Variants in CCDC30 observed in about 807,000 individuals in gnomAD.
The protein encoded by CCDC30 is coiled-coil domain-containing protein 30.
CCDC30 carries 70 observed loss-of-function variants against 100.2 expected under a neutral mutation model. That is an observed-to-expected ratio of 0.70 (90% CI 0.58 to 0.85). CCDC30 has a LOEUF of 0.85. Ranked by LOEUF, CCDC30 falls within the 40% of genes least tolerant of loss-of-function variation. The pLI, the probability that CCDC30 is intolerant of heterozygous loss-of-function variation, is 0.00. For missense variants in CCDC30, 652 were observed against 771.2 expected, an observed-to-expected ratio of 0.85 and a Z score of 1.83; for synonymous variants, 233 against 269.5, an observed-to-expected ratio of 0.86 and a Z score of 1.33.
chr1:42,513,091 A>T (rs1168034285), intron 6 of CCDC30, among the ~76,000 whole-genome samples: 1 of 152,200 alleles, frequency 6.6e-6, no homozygotes, highest in East Asian at 1.9e-4. Context: ...CAAGCCACCA[A>T]GGGAAGTAGC....
intron 5 of CCDC30, among the ~76,000 whole-genome samples, chr1:42,497,465 G>A (rs76140023): frequency 0.036 from 5,438 of 151,966 alleles, 337 homozygotes; most frequent in African/African-American, 0.12. Context: ...TTTTAAATAA[G>A]GAATTAGATA....
chr1:42,535,578 G>A (rs1468772060), intron 6 of CCDC30, among the ~76,000 whole-genome samples: 1 of 136,574 alleles, frequency 7.3e-6, no homozygotes, highest in Non-Finnish European at 1.6e-5. Flanking sequence ...GAGAGGGGTC[G>A]GCCGGGCACG....
intron 15 of CCDC30, among the ~76,000 whole-genome samples, chr1:42,648,631 C>T (rs868392089): frequency 2.0e-5 from 3 of 152,132 alleles, no homozygotes; most frequent in African/African-American, 7.2e-5. Context: ...GATCACGCCA[C>T]TGCTCTCCAG....
intron 11 of CCDC30, among the ~76,000 whole-genome samples, chr1:42,634,300 A>G (rs2148673736): frequency 6.6e-6 from 1 of 152,122 alleles, no homozygotes; most frequent in South Asian, 2.1e-4. Flanking sequence ...TTCCAGGGCA[A>G]AGGGACATTT....
At chr1:42,476,352 G>A (rs539842634) in intron 1 of CCDC30, among the ~76,000 whole-genome samples, 176 of 152,230 alleles carry the variant, frequency 1.2e-3, no homozygotes, top group African/African-American at 4.0e-3. Flanking sequence ...AAAATATTAA[G>A]TACTTCAAAG....
rs3044834 is a variant in CCDC30, at chr1:42,608,716, CAAAAA to C, written c.1165-2242_1165-2238del. Reference sequence around the variant, plus strand: ...AGAGCGCGACTCCGTCTCTCTGTCTCAAAAAAAAAAAAAAAAAAAAAAAAGATATG... The same window carrying C: ...AGAGCGCGACTCCGTCTCTCTGTCTCAAAAAAAAAAAAAAAAAAAGATATG... On this transcript the variant is annotated intron_variant, in intron 10 of 16. Coordinates refer to ENST00000668663, the Ensembl canonical transcript of CCDC30. Among the ~76,000 whole-genome samples, 12 of 55,426 alleles carry C rather than the reference CAAAAA, an allele frequency of 2.2e-4. 1 individual carries two copies. Among genetic ancestry groups the C allele is most frequent in the South Asian group, 8.9e-4 (1 of 1,118 alleles). The allele number at this position is 55,426 out of a possible 152,430, so 36.4% of individuals were successfully genotyped here.
At chr1:42,585,292 T>G (rs2762691) in intron 9 of CCDC30, among the ~76,000 whole-genome samples, 149,124 of 152,248 alleles carry the variant, frequency 0.98, 73,100 homozygotes, top group East Asian at 1. Context: ...TAGAGATGAG[T>G]CTTTGCTGTG....
intron 1 of CCDC30, among the ~76,000 whole-genome samples, chr1:42,471,855 A>T (rs1438727238): frequency 1.3e-5 from 2 of 150,964 alleles, no homozygotes; most frequent in Non-Finnish European, 2.9e-5. Context: ...AAAACTTAGC[A>T]ATCAAGGAGA....
chr1:42,542,297 G>T (rs967545384), intron 6 of CCDC30, among the ~76,000 whole-genome samples: 2 of 152,130 alleles, frequency 1.3e-5, no homozygotes, highest in African/African-American at 4.8e-5. Flanking sequence ...CTTTGTGTTA[G>T]TGTCACCATC....
chr1:42,581,581 T>C (rs1645968270), intron 9 of CCDC30, 67 bp downstream of exon 13: 1 of 1,439,028 alleles, frequency 6.9e-7, no homozygotes, highest in African/African-American at 1.4e-5. Flanking sequence ...GCAATATCAA[T>C]TTTTTCTAAC....
At chr1:42,602,396 G>C (rs1156610842) in intron 10 of CCDC30, among the ~76,000 whole-genome samples, 1 of 151,580 alleles carries the variant, frequency 6.6e-6, no homozygotes, top group Non-Finnish European at 1.5e-5. Context: ...CTCTAGCCAG[G>C]CTAACAAAAA....
At chr1:42,641,930 A>G (rs181870269) in intron 12 of CCDC30, among the ~76,000 whole-genome samples, 1 of 152,294 alleles carries the variant, frequency 6.6e-6, no homozygotes, top group Non-Finnish European at 1.5e-5. Context: ...GAAGAAAAAA[A>G]AATACATGAC....
Position 42,536,457 on chromosome 1 carries a change from T to A in CCDC30, c.457-29839T>A. On this transcript the variant is annotated intron_variant, in intron 6 of 16. Coordinates refer to ENST00000668663, the Ensembl canonical transcript of CCDC30. ...CTGCTATTATATATAAAATTAATTA[T>A]GTAAAATGCTTTTTACAGATCCTGA... The A allele has an allele frequency of 6.7e-7, 1 of 1,491,490 alleles. No individual in the cohort carries two copies. Among genetic ancestry groups the A allele is most frequent in the East Asian group, 2.3e-5 (1 of 42,690 alleles). 92.4% of individuals were successfully genotyped at this position (1,491,490 alleles called of 1,614,324 possible).
At chr1:42,587,657 C>A (rs1368147451) in intron 9 of CCDC30, among the ~76,000 whole-genome samples, 1 of 152,174 alleles carries the variant, frequency 6.6e-6, no homozygotes. Context: ...CTGTTGATTT[C>A]TCAGAATACT....
chr1:42,577,880 TCCACCCGCCTCGG>T (rs752310692), intron 8 of CCDC30, among the ~76,000 whole-genome samples: 3 of 152,158 alleles, frequency 2.0e-5, no homozygotes, highest in Non-Finnish European at 2.9e-5. Context: ...GACCTCGTGA[TCCACCCGCCTCGG>T]CCTCCCAAAG....
At position 42,510,656 on chromosome 1, in the gene CCDC30, C is replaced by CAAAA. The variant is rs112722955; in HGVS notation, c.456+11752_456+11755dup. The stretch of plus-strand genomic sequence containing the variant: ...TGGGTGAGAGAGCAAGACTCCGTTT[C>CAAAA]AAAAAAAAAAAAAAATGTGGAAAGC... On this transcript the variant is annotated intron_variant, in intron 6 of 16. Transcript: ENST00000668663. Among the ~76,000 whole-genome samples, 7 of 124,322 alleles carry CAAAA rather than the reference C, an allele frequency of 5.6e-5. No homozygotes were observed. The South Asian group carries it at 1.6e-3, about 28-fold the overall frequency. The allele number at this position is 124,322 out of a possible 152,430, so 81.6% of individuals were successfully genotyped here.
At chr1:42,473,969 A>T (rs990936902) in intron 1 of CCDC30, among the ~76,000 whole-genome samples, 5 of 149,896 alleles carry the variant, frequency 3.3e-5, no homozygotes, top group South Asian at 2.1e-4. Flanking sequence ...AGATAAAGCT[A>T]TTTTTTTTTT....
intron 6 of CCDC30, 54 bp downstream of exon 8, chr1:42,539,364 G>A: frequency 6.8e-7 from 1 of 1,470,008 alleles, no homozygotes; most frequent in Non-Finnish European, 9.2e-7. Flanking sequence ...CTTTTATGAG[G>A]ATAGGTTAAA....
intron 10 of CCDC30, among the ~76,000 whole-genome samples, chr1:42,610,630 G>T (rs1194809722): frequency 6.6e-6 from 1 of 152,060 alleles, no homozygotes. Flanking sequence ...TTACCATATT[G>T]CCCAGCCTGG....
Sources: gnomAD v4.1 joint callset for allele counts (sites outside exome capture counted in the v4.1 genomes callset) on GRCh38, gnomAD v4.1.1 for gene constraint, MANE v1.5 for transcripts, NCBI Gene and HGNC (gene_info 2026-07-23, HGNC 2026-07-21) for gene names.